The following SLF1 variants were observed in gnomAD, a reference collection of about 807,000 sequenced individuals.
SLF1 encodes the protein SMC5-SMC6 complex localization factor protein 1.
A neutral mutation model predicts 123.0 loss-of-function variants in SLF1; 105 were observed. The observed-to-expected ratio is 0.85, with a 90% CI of 0.73 to 1.00. SLF1 has a LOEUF of 1.00. Ranked by LOEUF, SLF1 falls within the 50% of genes least tolerant of loss-of-function variation. The pLI is 0.00. For missense variants in SLF1, 1,239 were observed against 1,223.0 expected (o/e 1.01, Z -0.20); for synonymous variants, 434 against 406.6 (o/e 1.07, Z -0.81).
At chr5:94,636,858 C>CA (rs1745861424) in intron 4 of SLF1, among the ~76,000 whole-genome samples, 1 of 151,846 alleles carries the variant, frequency 6.6e-6, no homozygotes, top group Non-Finnish European at 1.5e-5. Context: ...GCTGGGACTA[C>CA]AGGCACCTGC....
At chr5:94,653,620 A>G (rs1239131125) in intron 8 of SLF1, among the ~76,000 whole-genome samples, 199 bp downstream of exon 8, 1 of 152,222 alleles carries the variant, frequency 6.6e-6, no homozygotes, top group Non-Finnish European at 1.5e-5. Context: ...CTGAGTTAAT[A>G]ATCAAGGTAT....
At chr5:94,630,797 T>C (rs1361403197) in intron 4 of SLF1, 54 bp downstream of exon 4, 16 of 1,507,766 alleles carry the variant, frequency 1.1e-5, no homozygotes, top group Non-Finnish European at 1.4e-5. Context: ...TAATTTTGAT[T>C]TGCATGAGTA....
chr5:94,682,917 A>T (rs115015809), intron 15 of SLF1, among the ~76,000 whole-genome samples: 2 of 152,206 alleles, frequency 1.3e-5, no homozygotes, highest in Non-Finnish European at 2.9e-5. Flanking sequence ...CTGCCACTCA[A>T]CTTTGCAGTT....
At chr5:94,641,197 C>G (rs893258771) in intron 4 of SLF1, among the ~76,000 whole-genome samples, 3 of 150,216 alleles carry the variant, frequency 2.0e-5, no homozygotes, top group East Asian at 2.0e-4. Context: ...CCCACCCCCC[C>G]ACAAAAACTC....
chr5:94,634,010 C>A (rs899871383), intron 4 of SLF1, among the ~76,000 whole-genome samples: 1 of 152,072 alleles, frequency 6.6e-6, no homozygotes, highest in African/African-American at 2.4e-5. Context: ...TTGTATTAAT[C>A]GTGTTTGCTT....
chr5:94,633,405 A>G (rs1029517186), intron 4 of SLF1, among the ~76,000 whole-genome samples: 8 of 152,214 alleles, frequency 5.3e-5, no homozygotes, highest in Non-Finnish European at 1.0e-4. Flanking sequence ...TGCAATTTTT[A>G]AAAATGATTT....
chr5:94,638,326 C>T (rs1423638769), intron 4 of SLF1, among the ~76,000 whole-genome samples: 2 of 152,066 alleles, frequency 1.3e-5, no homozygotes, highest in Non-Finnish European at 2.9e-5. Flanking sequence ...CTACAGGTGC[C>T]CGCCACCACG....
At chr5:94,687,720 A>ACAAC (rs1343188329) in intron 16 of SLF1, among the ~76,000 whole-genome samples, 2 of 151,574 alleles carry the variant, frequency 1.3e-5, no homozygotes, top group African/African-American at 4.9e-5. Context: ...AACAACAACA[A>ACAAC]AGAAAGAAAA....
intron 14 of SLF1, among the ~76,000 whole-genome samples, chr5:94,678,022 G>A (rs993883897): frequency 1.3e-5 from 2 of 151,726 alleles, no homozygotes; most frequent in African/African-American, 2.4e-5. Flanking sequence ...CCGGGTTCAC[G>A]CCATTCTTCT....
intron 4 of SLF1, among the ~76,000 whole-genome samples, chr5:94,632,740 G>A (rs1053628686): frequency 6.6e-6 from 1 of 151,690 alleles, no homozygotes. Context: ...TCGGTCTGTC[G>A]CCCAGGCTGG....
At chr5:94,682,093 CTT>C (rs1340605184) in intron 15 of SLF1, among the ~76,000 whole-genome samples, 2 of 152,148 alleles carry the variant, frequency 1.3e-5, no homozygotes, top group African/African-American at 2.4e-5. Context: ...CTTAAAAACA[CTT>C]TTCAATAGTG....
intron 5 of SLF1, among the ~76,000 whole-genome samples, chr5:94,644,761 T>C (rs1046152459): frequency 6.6e-6 from 1 of 152,188 alleles, no homozygotes; most frequent in Admixed American, 6.6e-5. Flanking sequence ...TTTAGCTTGG[T>C]ACTCCTTACA....
intron 5 of SLF1, among the ~76,000 whole-genome samples, chr5:94,648,855 A>G (rs577157645): frequency 1.4e-4 from 21 of 152,346 alleles, no homozygotes; most frequent in African/African-American, 4.8e-4. Context: ...TACTAAACTT[A>G]CAGAATTATA....
At chr5:94,691,486 C>G (rs1385196345) in intron 18 of SLF1, 78 bp from the exon 19 acceptor site, 5 of 1,097,168 alleles carry the variant, frequency 4.6e-6, no homozygotes, top group Non-Finnish European at 5.1e-6. Context: ...GCCAGATCTC[C>G]TAGTTCATGC....
chr5:94,691,012 AC>A (rs1208117460), intron 18 of SLF1, among the ~76,000 whole-genome samples: 9 of 151,874 alleles, frequency 5.9e-5, no homozygotes, highest in Non-Finnish European at 1.3e-4. Flanking sequence ...GCCAAGCCAG[AC>A]AGCCTATTGA....
chr5:94,675,587 A>T (rs1343332078), intron 14 of SLF1, among the ~76,000 whole-genome samples: 1 of 152,158 alleles, frequency 6.6e-6, no homozygotes, highest in Non-Finnish European at 1.5e-5. Context: ...TGAGTGTGCT[A>T]GTTAAGATTA....
At chr5:94,651,938 A>G (rs1747772811) in intron 7 of SLF1, 93 bp downstream of exon 7, 1 of 591,008 alleles carries the variant, frequency 1.7e-6, no homozygotes, top group African/African-American at 2.0e-5. Flanking sequence ...TATAAAAATG[A>G]GTTATGTATC....
chr5:94,626,647 T>G (rs1287188884), intron 1 of SLF1, among the ~76,000 whole-genome samples: 2 of 152,222 alleles, frequency 1.3e-5, no homozygotes, highest in Non-Finnish European at 2.9e-5. Flanking sequence ...TGTTTTGGTT[T>G]GTTTTTTCTG....
In SLF1 at chr5:94,649,444, A is replaced by C. The variant is rs767268318; in HGVS notation, c.595-10A>C. 1.3e-6 allele frequency: 2 copies of C among 1,484,854 alleles called. No homozygotes were observed. The highest frequency in any genetic ancestry group is 1.8e-6 in the Non-Finnish European group (2 of 1,103,374). 92.0% of individuals were successfully genotyped at this position (1,484,854 alleles called of 1,614,324 possible). ...AGATGATTGCCTAAACCATTTTTACATACATACAGAAAGAAATTCAGAATG... is the reference window on the plus strand; with the variant it reads ...AGATGATTGCCTAAACCATTTTTACCTACATACAGAAAGAAATTCAGAATG... On this transcript the variant is annotated splice_polypyrimidine_tract_variant and intron_variant, in intron 5 of 20. Coordinates refer to ENST00000265140, the MANE Select transcript of SLF1 (RefSeq NM_032290.4).
Sources: gnomAD v4.1 joint callset for allele counts (sites outside exome capture counted in the v4.1 genomes callset) on GRCh38, gnomAD v4.1.1 for gene constraint, MANE v1.5 for transcripts, NCBI Gene and HGNC (gene_info 2026-07-23, HGNC 2026-07-21) for gene names.